The following RSPH6A variants were observed in gnomAD, a reference collection of about 807,000 sequenced individuals.
RSPH6A encodes radial spoke head protein 6 homolog A.
RSPH6A carries 49 observed loss-of-function variants against 66.1 expected under a neutral mutation model. That is an observed-to-expected ratio of 0.74 (90% CI 0.59 to 0.94). The LOEUF is 0.94. RSPH6A is among the 40% of genes least tolerant of loss of function. The probability of loss-of-function intolerance (pLI) is 0.00; values close to 1 mark genes in which losing one functional copy is unlikely to be tolerated. For missense variants in RSPH6A, 977 were observed against 948.3 expected, an observed-to-expected ratio of 1.03 and a Z score of -0.40; for synonymous variants, 419 against 402.4, an observed-to-expected ratio of 1.04 and a Z score of -0.49.
At chr19:45,797,728 C>T (rs955387026) in intron 5 of RSPH6A, among the ~76,000 whole-genome samples, 1 of 151,782 alleles carries the variant, frequency 6.6e-6, no homozygotes, top group Non-Finnish European at 1.5e-5. Context: ...ATTAGCTGGG[C>T]GTGGTAGTGG....
chr19:45,808,600 A>G (rs1467963599), intron 2 of RSPH6A, among the ~76,000 whole-genome samples: 1 of 150,228 alleles, frequency 6.7e-6, no homozygotes, highest in African/African-American at 2.4e-5. Context: ...CTCAAAAAAA[A>G]TGGAAAAAAT....
intron 5 of RSPH6A, among the ~76,000 whole-genome samples, chr19:45,798,687 A>C (rs1240013440): frequency 6.6e-6 from 1 of 151,706 alleles, no homozygotes; most frequent in Non-Finnish European, 1.5e-5. Flanking sequence ...AAATACAAAA[A>C]AATTAGCTGG....
In RSPH6A at chr19:45,815,165, C is replaced by T. The variant is rs776253181; in HGVS notation, c.12G>A (p.Leu4=). 5.7e-5 allele frequency: 92 copies of T among 1,603,062 alleles called. No homozygotes were observed. Among genetic ancestry groups the T allele is most frequent in the Non-Finnish European group, 7.6e-5 (90 of 1,177,646 alleles). ...GGGCAGGGCGCTCAGGGTAGGGCGG[C>T]AGGTCTCCCATGGTTCGCCAGGAGG... MGD[L]PPYPERPAQQ... The change falls in exon 1 of 6, where the codon CTG becomes CTA. Residue 4 remains leucine, a synonymous_variant. Transcript: ENST00000221538.
At chr19:45,802,918 C>T (rs1409178657) in intron 3 of RSPH6A, among the ~76,000 whole-genome samples, 1 of 151,322 alleles carries the variant, frequency 6.6e-6, no homozygotes, top group Non-Finnish European at 1.5e-5. Context: ...CGCCATTCTC[C>T]TACCTCAGCC....
Position 45,807,341 on chromosome 19 carries a change from A to C in RSPH6A, c.889-2325T>G, listed in dbSNP as rs372688833. Among the ~76,000 whole-genome samples, 23 of 147,766 alleles carry C rather than the reference A, an allele frequency of 1.6e-4. No homozygotes were observed. The East Asian group carries it at 4.7e-3, about 30-fold the overall frequency. ...CGCCATTCTCCTGCCTCAGCCTCCC[A>C]AGTAGCTGGGACTACAGGCGCCCAC... On this transcript the variant is annotated intron_variant, in intron 2 of 5. Coordinates refer to ENST00000221538, the MANE Select transcript of RSPH6A (RefSeq NM_030785.4).
intron 1 of RSPH6A, among the ~76,000 whole-genome samples, chr19:45,812,171 A>C (rs974947870): frequency 6.6e-6 from 1 of 151,608 alleles, no homozygotes; most frequent in Non-Finnish European, 1.5e-5. Context: ...GGCTCACTGC[A>C]ACCTCTGGTT....
chr19:45,805,353 C>T (rs1044125607), intron 2 of RSPH6A, among the ~76,000 whole-genome samples: 12 of 151,960 alleles, frequency 7.9e-5, no homozygotes, highest in African/African-American at 2.9e-4. Flanking sequence ...GCTGAGATTG[C>T]TCCACGCACT....
intron 4 of RSPH6A, among the ~76,000 whole-genome samples, chr19:45,801,073 C>T (rs1332734025): frequency 6.6e-6 from 1 of 152,196 alleles, no homozygotes; most frequent in Non-Finnish European, 1.5e-5. Context: ...GCTGGGATTA[C>T]AGGCGTGAGC....
At chr19:45,809,329 G>T (rs1399548255) in intron 2 of RSPH6A, among the ~76,000 whole-genome samples, 2 of 122,452 alleles carry the variant, frequency 1.6e-5, no homozygotes, top group Non-Finnish European at 3.3e-5. Context: ...TTTTGAGATG[G>T]AGTCTCGCTC....
rs773294180 is a variant in RSPH6A at position 45,814,722 on chromosome 19, T to C, written c.455A>G (p.Tyr152Cys). ...ACCTTCAGAGAACTGGTCTGTCTGG[T>C]AGAGGTTGAACTGGCCCAAGGGGTT... ...PVNPLGQFNL[Y>C]QTDQFSEGAQ... The change falls in exon 1 of 6, where the codon TAC becomes TGC. Residue 152 changes from tyrosine to cysteine, a missense_variant. By Grantham distance (194) the Tyr-to-Cys change is radical (BLOSUM62 -2). Transcript: ENST00000221538. 3 of 1,613,558 alleles carry C rather than the reference T, an allele frequency of 1.9e-6. No homozygotes were observed. Among genetic ancestry groups the C allele is most frequent in the East Asian group, 4.5e-5 (2 of 44,856 alleles).
intron 1 of RSPH6A, among the ~76,000 whole-genome samples, chr19:45,812,111 A>G (rs1267873300): frequency 6.8e-6 from 1 of 147,856 alleles, no homozygotes; most frequent in African/African-American, 2.5e-5. Flanking sequence ...TTTTTTTTTG[A>G]GACAGGGTCT....
intron 5 of RSPH6A, among the ~76,000 whole-genome samples, chr19:45,797,967 C>G (rs1049514850): frequency 2.0e-5 from 3 of 152,096 alleles, no homozygotes; most frequent in African/African-American, 7.2e-5. Flanking sequence ...CCAGCGAATT[C>G]AGCCTTTCTG....
At chr19:45,802,370 C>T in intron 3 of RSPH6A, 106 bp from the exon 4 acceptor site, 1 of 1,075,238 alleles carries the variant, frequency 9.3e-7, no homozygotes, top group Non-Finnish European at 1.2e-6. Flanking sequence ...CCTCAGAGAC[C>T]CAGGCACAGG....
intron 2 of RSPH6A, among the ~76,000 whole-genome samples, chr19:45,807,791 G>A (rs545944474): frequency 2.6e-5 from 4 of 152,282 alleles, no homozygotes; most frequent in East Asian, 1.9e-4. Flanking sequence ...CATAACAGGC[G>A]TGAGCCACTG....
chr19:45,799,047 T>C (rs1970439259), intron 5 of RSPH6A, among the ~76,000 whole-genome samples: 1 of 152,120 alleles, frequency 6.6e-6, no homozygotes, highest in Admixed American at 6.6e-5. Flanking sequence ...CAAACGTGCC[T>C]CTTCCCAGCT....
At position 45,815,210 on chromosome 19, in the gene RSPH6A, G is replaced by A. The variant is rs1413248032; in HGVS notation, c.-34C>T. 3.8e-5 allele frequency: 58 copies of A among 1,533,074 alleles called. No homozygotes were observed. The highest frequency in any genetic ancestry group is 4.8e-5 in the Non-Finnish European group (55 of 1,145,342). The allele number at this position is 1,533,074 out of a possible 1,614,324, so 95.0% of individuals were successfully genotyped here. A position where few individuals can be genotyped will look rare whatever the true frequency, so the allele number is the denominator to read the frequency against. ...AGGAGGCACAGATCTCTAGGAGAAA[G>A]GCTTGCAGACAAGGAGGCCAAGCGA... On this transcript the variant is annotated 5_prime_UTR_variant, in exon 1 of 6. Transcript: ENST00000221538.
Position 45,804,198 on chromosome 19 carries a change from TG to T in RSPH6A, c.1653+53del. ...GCTTGATGTCAGTATTGCAGGGTCA[TG>T]CGTGAGCCCCCTGCTCCTGCCGTTT... On this transcript the variant is annotated intron_variant, in intron 3 of 5. Transcript: ENST00000221538. This position sits in a 1 kb window ranked among gnomAD's most constrained non-coding sequence, Gnocchi z 5.8. 7.0e-7 allele frequency: 1 copy of T among 1,436,362 alleles called. No individual in the cohort carries two copies. The highest frequency in any genetic ancestry group is 1.3e-5 in the South Asian group (1 of 79,802). 89.0% of individuals were successfully genotyped at this position (1,436,362 alleles called of 1,614,324 possible). A position where few individuals can be genotyped will look rare whatever the true frequency, so the allele number is the denominator to read the frequency against.
rs1970507644 is a variant in RSPH6A, at chr19:45,804,076, A to T, written c.1653+176T>A. 6.6e-6 allele frequency among the ~76,000 whole-genome samples: 1 copy of T among 152,198 alleles called. No homozygotes were observed. The highest frequency in any genetic ancestry group is 6.5e-5 in the Admixed American group (1 of 15,280). ...AAGAAAAAAAAATGCCTCTGTCCCC[A>T]AAGGTTTCTGATGGGATTATCCGCT... On this transcript the variant is annotated intron_variant, in intron 3 of 5. Coordinates refer to ENST00000221538, the MANE Select transcript of RSPH6A (RefSeq NM_030785.4). The surrounding 1 kb of genome is among the most constrained non-coding windows in gnomAD (Gnocchi z 5.8).
intron 1 of RSPH6A, among the ~76,000 whole-genome samples, chr19:45,811,897 C>T (rs1423912342): frequency 5.3e-5 from 8 of 151,072 alleles, no homozygotes; most frequent in Admixed American, 1.3e-4. Flanking sequence ...TCTCCTGCCT[C>T]GGCCTCCTGA....
Sources: gnomAD v4.1 joint callset for allele counts (sites outside exome capture counted in the v4.1 genomes callset) on GRCh38, gnomAD v4.1.1 for gene constraint, Gnocchi (gnomAD v3.1) non-coding constraint, MANE v1.5 for transcripts, NCBI Gene and HGNC (gene_info 2026-07-23, HGNC 2026-07-21) for gene names.